Variants in SDCCAG8 observed in about 807,000 individuals in gnomAD.
The protein encoded by SDCCAG8 is SHH signaling and ciliogenesis regulator SDCCAG8, also known as serologically defined colon cancer antigen 8.
Under a neutral mutation model 101.8 loss-of-function variants are expected in SDCCAG8, and 74 were observed. That is an observed-to-expected ratio of 0.73 (90% confidence interval 0.60 to 0.88). The LOEUF is 0.88. Ranked by LOEUF, SDCCAG8 falls within the 40% of genes least tolerant of loss-of-function variation. The pLI, the probability that SDCCAG8 is intolerant of heterozygous loss-of-function variation, is 0.00. For synonymous variants in SDCCAG8, 281 were observed against 292.9 expected, an observed-to-expected ratio of 0.96 and a Z score of 0.41; for missense variants, 787 against 822.6, an observed-to-expected ratio of 0.96 and a Z score of 0.53.
chr1:243,422,065 T>C (rs1323186489), intron 15 of SDCCAG8, among the ~76,000 whole-genome samples: 1 of 152,136 alleles, frequency 6.6e-6, no homozygotes. Context: ...AAGTGTGTGC[T>C]AGGTTTTAGC....
intron 12 of SDCCAG8, among the ~76,000 whole-genome samples, chr1:243,366,349 C>A (rs1379039487): frequency 2.0e-5 from 3 of 151,762 alleles, no homozygotes; most frequent in Non-Finnish European, 4.4e-5. Flanking sequence ...AGCCATATTT[C>A]TACACATAGG....
chr1:243,269,629 T>A (rs991452207), intron 1 of SDCCAG8, among the ~76,000 whole-genome samples: 2 of 151,982 alleles, frequency 1.3e-5, no homozygotes, highest in Non-Finnish European at 2.9e-5. Flanking sequence ...GGGGAGGGAT[T>A]TCCTGTCCCC....
At chr1:243,389,771 C>T (rs917205130) in intron 13 of SDCCAG8, among the ~76,000 whole-genome samples, 3 of 152,102 alleles carry the variant, frequency 2.0e-5, no homozygotes, top group African/African-American at 4.8e-5. Flanking sequence ...GCCGAGCCTC[C>T]GAAGGGGAAG....
chr1:243,374,641 G>A (rs576314375), intron 12 of SDCCAG8, among the ~76,000 whole-genome samples: 5 of 152,036 alleles, frequency 3.3e-5, no homozygotes, highest in East Asian at 1.9e-4. Context: ...TCAGGCAGGC[G>A]AATACTCGAA....
chr1:243,295,338 A>C (rs769643935), intron 6 of SDCCAG8, among the ~76,000 whole-genome samples: 1 of 152,014 alleles, frequency 6.6e-6, no homozygotes, highest in Non-Finnish European at 1.5e-5. Flanking sequence ...CCCGGGTGCA[A>C]GCGATTCTCC....
intron 12 of SDCCAG8, among the ~76,000 whole-genome samples, chr1:243,369,738 C>G (rs2077183379): frequency 6.6e-6 from 1 of 152,064 alleles, no homozygotes; most frequent in Admixed American, 6.6e-5. Flanking sequence ...TGATGGCTGT[C>G]TTTTATAGTT....
chr1:243,435,586 GAGTT>G (rs1173619262), intron 16 of SDCCAG8, among the ~76,000 whole-genome samples: 2 of 152,158 alleles, frequency 1.3e-5, no homozygotes, highest in African/African-American at 4.8e-5. Context: ...TGACTCTTGT[GAGTT>G]AGTCTGTGAA....
In SDCCAG8 at chr1:243,256,098, A is replaced by C. The variant is rs2066627052; in HGVS notation, c.-76A>C. On this transcript the variant is annotated 5_prime_UTR_variant, in exon 1 of 18. Coordinates refer to ENST00000366541, the MANE Select transcript of SDCCAG8 (RefSeq NM_006642.5). ...AAGCAGGCGGGCGCTCCCCGGCCAC[A>C]GGCCTGTTGTTCTCGGAAGGGAGAA... is the stretch of plus-strand genomic sequence containing the variant. 2.1e-6 allele frequency: 3 copies of C among 1,413,478 alleles called. No homozygotes were observed. The highest frequency in any genetic ancestry group is 3.3e-5 in the Admixed American group (2 of 59,790). 87.6% of individuals were successfully genotyped at this position (1,413,478 alleles called of 1,614,324 possible). A position where few individuals can be genotyped will look rare whatever the true frequency, so the allele number is the denominator to read the frequency against.
intron 13 of SDCCAG8, among the ~76,000 whole-genome samples, chr1:243,386,970 GAAGA>G (rs1173165776): frequency 2.0e-5 from 3 of 152,100 alleles, no homozygotes; most frequent in African/African-American, 7.2e-5. Flanking sequence ...TTTCACCCAA[GAAGA>G]AAGAGAGGCT....
chr1:243,493,815 A>C (rs776057673), intron 17 of SDCCAG8, among the ~76,000 whole-genome samples: 4 of 151,978 alleles, frequency 2.6e-5, no homozygotes, highest in Non-Finnish European at 4.4e-5. Flanking sequence ...AAGAGAGCCG[A>C]AAACAAGCAG....
chr1:243,283,551 A>T (rs2069277425), intron 4 of SDCCAG8, among the ~76,000 whole-genome samples: 1 of 151,648 alleles, frequency 6.6e-6, no homozygotes. Context: ...AAGTTTACTA[A>T]TGCATTCCTC....
chr1:243,348,970 G>C (rs147531647), intron 12 of SDCCAG8, among the ~76,000 whole-genome samples: 1,830 of 150,186 alleles, frequency 0.012, 26 homozygotes, highest in South Asian at 0.051. Flanking sequence ...TGGGCAACAA[G>C]AGCGAAACCC....
At chr1:243,380,620 G>C (rs1172257382) in intron 13 of SDCCAG8, among the ~76,000 whole-genome samples, 2 of 152,084 alleles carry the variant, frequency 1.3e-5, no homozygotes, top group African/African-American at 4.8e-5. Flanking sequence ...GCTGAAAATG[G>C]ACGAGTGGTA....
At chr1:243,321,225 T>C (rs1039000225) in intron 9 of SDCCAG8, among the ~76,000 whole-genome samples, 3 of 152,156 alleles carry the variant, frequency 2.0e-5, no homozygotes, top group Admixed American at 2.0e-4. Flanking sequence ...CAAAATGTAT[T>C]ATTATTGCTT....
At chr1:243,450,911 G>A (rs1399700717) in intron 16 of SDCCAG8, among the ~76,000 whole-genome samples, 5 of 152,188 alleles carry the variant, frequency 3.3e-5, no homozygotes, top group African/African-American at 1.2e-4. Context: ...CTTCCGCCTC[G>A]GCCTCCCAAA....
chr1:243,299,887 C>T (rs10926985), intron 6 of SDCCAG8, among the ~76,000 whole-genome samples: 43,575 of 144,576 alleles, frequency 0.3, 6,593 homozygotes, highest in South Asian at 0.52. Context: ...TTTTTTGAGA[C>T]GGAGTCTCAC....
chr1:243,326,166 C>T (rs561426059), intron 9 of SDCCAG8, among the ~76,000 whole-genome samples: 208 of 152,132 alleles, frequency 1.4e-3, no homozygotes, highest in Middle Eastern at 6.8e-3. Flanking sequence ...TATGTATTTC[C>T]AATTTGCTAA....
In SDCCAG8 at chr1:243,499,884, G is replaced by C; in HGVS notation, c.*99G>C. Reference sequence around the variant, plus strand: ...CACAACGCACCACGACCTTCCCAGGGTGACACCGCCTCAGCCTGCAGTGGG... The same window carrying C: ...CACAACGCACCACGACCTTCCCAGGCTGACACCGCCTCAGCCTGCAGTGGG... On this transcript the variant is annotated 3_prime_UTR_variant, in exon 18 of 18. Coordinates refer to ENST00000366541, the MANE Select transcript of SDCCAG8 (RefSeq NM_006642.5). The C allele has an allele frequency of 8.6e-7, 1 of 1,161,134 alleles. No individual in the cohort carries two copies. The highest frequency in any genetic ancestry group is 1.3e-6 in the Non-Finnish European group (1 of 786,156). 71.9% of individuals were successfully genotyped at this position (1,161,134 alleles called of 1,614,324 possible). A position where few individuals can be genotyped will look rare whatever the true frequency, so the allele number is the denominator to read the frequency against.
chr1:243,300,887 A>C (rs938270742), intron 6 of SDCCAG8, among the ~76,000 whole-genome samples: 1 of 152,186 alleles, frequency 6.6e-6, no homozygotes, highest in African/African-American at 2.4e-5. Flanking sequence ...TTTCTGAAGA[A>C]ATGTACCAGA....
Sources: allele counts gnomAD v4.1 joint callset (sites outside exome capture counted in the v4.1 genomes callset), GRCh38; gene constraint gnomAD v4.1.1; transcripts MANE v1.5; gene names NCBI Gene and HGNC (gene_info 2026-07-23, HGNC 2026-07-21).